The following CHN1 variants were observed in gnomAD, a reference collection of about 807,000 sequenced individuals.
The protein encoded by CHN1 is chimerin 1.
Under a neutral mutation model 59.5 loss-of-function variants are expected in CHN1, and 37 were observed. That is an observed-to-expected ratio of 0.62 (90% CI 0.48 to 0.82). The LOEUF is 0.82. Ranked by LOEUF, CHN1 falls within the 40% of genes least tolerant of loss-of-function variation. The pLI is 0.00. For missense variants in CHN1, 469 were observed against 571.0 expected, an observed-to-expected ratio of 0.82 and a Z score of 1.82; for synonymous variants, 206 against 200.4, an observed-to-expected ratio of 1.03 and a Z score of -0.24.
chr2:174,984,425 G>A (rs1198498138), intron 1 of CHN1, among the ~76,000 whole-genome samples: 1 of 143,698 alleles, frequency 7.0e-6, no homozygotes, highest in African/African-American at 2.6e-5. Flanking sequence ...CTAGAGTGCA[G>A]TGGCGCGATC....
At chr2:174,869,953 A>G (rs972532637) in intron 6 of CHN1, among the ~76,000 whole-genome samples, 1 of 152,180 alleles carries the variant, frequency 6.6e-6, no homozygotes, top group Admixed American at 6.5e-5. Context: ...TTTTGGAGGG[A>G]AATTTTACAG....
chr2:174,956,132 A>C (rs1030467901), intron 1 of CHN1, among the ~76,000 whole-genome samples: 1 of 152,252 alleles, frequency 6.6e-6, no homozygotes, highest in African/African-American at 2.4e-5. Context: ...AATAATGATA[A>C]GAATTACAAG....
At chr2:174,918,589 GCAT>G in intron 3 of CHN1, 24 bp from the exon 4 acceptor site, 1 of 1,576,326 alleles carries the variant, frequency 6.3e-7, no homozygotes, top group Non-Finnish European at 8.6e-7. Flanking sequence ...AAAAAAACAG[GCAT>G]ATTTGTAAAA....
chr2:174,837,764 A>G (rs1342159309), intron 7 of CHN1, among the ~76,000 whole-genome samples: 1 of 152,190 alleles, frequency 6.6e-6, no homozygotes, highest in African/African-American at 2.4e-5. Flanking sequence ...CAGCTACCAG[A>G]AGTTTTTGTG....
intron 1 of CHN1, among the ~76,000 whole-genome samples, chr2:174,974,537 C>T (rs1008723539): frequency 1.3e-5 from 2 of 151,928 alleles, no homozygotes; most frequent in African/African-American, 2.4e-5. Flanking sequence ...TTTCAAATTC[C>T]CATAATATAA....
Position 174,890,528 on chromosome 2 carries a change from AAAG to A in CHN1, c.261-12403_261-12401del, listed in dbSNP as rs566435505. ...GGCAATACAGCAAGACCATCTTTAA[AAAG>A]AAGAAGAAGAAGAAAAAATATATAC... On this transcript the variant is annotated intron_variant, in intron 5 of 12. Coordinates refer to ENST00000409900, the MANE Select transcript of CHN1 (RefSeq NM_001822.7). Among the ~76,000 whole-genome samples, 121 of 152,234 alleles carry A rather than the reference AAAG, an allele frequency of 7.9e-4. 1 individual carries two copies. The highest frequency in any genetic ancestry group is 1.0e-3 in the South Asian group (5 of 4,832).
chr2:174,885,995 T>G (rs1687882469), intron 5 of CHN1, among the ~76,000 whole-genome samples: 1 of 152,098 alleles, frequency 6.6e-6, no homozygotes, highest in Admixed American at 6.5e-5. Context: ...TATTCAAGAG[T>G]TGGTGATCAG....
chr2:174,885,601 C>A (rs1187271772), intron 5 of CHN1, among the ~76,000 whole-genome samples: 2 of 151,996 alleles, frequency 1.3e-5, no homozygotes. Context: ...TTCAAGTAAT[C>A]CCGAGTAGCT....
intron 2 of CHN1, among the ~76,000 whole-genome samples, chr2:174,949,327 TATTTAAC>T (rs1165498689): frequency 6.6e-6 from 1 of 152,208 alleles, no homozygotes; most frequent in Non-Finnish European, 1.5e-5. Flanking sequence ...TGCATTTATT[TATTTAAC>T]ATGAATGAAT....
chr2:174,974,496 C>T (rs1690856314), intron 1 of CHN1, among the ~76,000 whole-genome samples: 1 of 152,092 alleles, frequency 6.6e-6, no homozygotes, highest in Admixed American at 6.5e-5. Context: ...TACCAGTCTG[C>T]AAGAGAGAAT....
intron 7 of CHN1, among the ~76,000 whole-genome samples, chr2:174,843,772 G>C (rs570996430): frequency 6.6e-6 from 1 of 152,084 alleles, no homozygotes; most frequent in African/African-American, 2.4e-5. Context: ...ACATGTACTG[G>C]GAACTCAATT....
intron 3 of CHN1, among the ~76,000 whole-genome samples, chr2:174,939,583 A>T (rs1689596716): frequency 6.6e-6 from 1 of 152,218 alleles, no homozygotes; most frequent in African/African-American, 2.4e-5. Flanking sequence ...TAGTCTTACT[A>T]ATAAATACTT....
At chr2:174,921,547 A>C (rs1689016539) in intron 3 of CHN1, among the ~76,000 whole-genome samples, 1 of 152,074 alleles carries the variant, frequency 6.6e-6, no homozygotes, top group African/African-American at 2.4e-5. Context: ...ACTTTTCATT[A>C]AAATTATATG....
At chr2:174,822,969 C>A (rs1685551205) in intron 8 of CHN1, among the ~76,000 whole-genome samples, 1 of 152,172 alleles carries the variant, frequency 6.6e-6, no homozygotes, top group Non-Finnish European at 1.5e-5. Context: ...ATGCCTGGAA[C>A]CTTATTACAT....
chr2:174,932,393 G>A (rs1689375774), intron 3 of CHN1, among the ~76,000 whole-genome samples: 1 of 152,152 alleles, frequency 6.6e-6, no homozygotes, highest in Non-Finnish European at 1.5e-5. Context: ...GTCTAGCATT[G>A]AAGTTAACGT....
At chr2:174,909,801 T>C (rs576318593) in intron 5 of CHN1, among the ~76,000 whole-genome samples, 3 of 152,338 alleles carry the variant, frequency 2.0e-5, no homozygotes, top group South Asian at 4.1e-4. Flanking sequence ...CAGGTAATAC[T>C]TGTGGCTGAA....
intron 8 of CHN1, among the ~76,000 whole-genome samples, chr2:174,822,711 G>A (rs907601282): frequency 1.3e-5 from 2 of 152,166 alleles, no homozygotes; most frequent in Non-Finnish European, 2.9e-5. Flanking sequence ...AATGCACACT[G>A]CCTCAATACC....
At chr2:174,885,846 A>C (rs1290818355) in intron 5 of CHN1, among the ~76,000 whole-genome samples, 3 of 152,210 alleles carry the variant, frequency 2.0e-5, no homozygotes, top group Non-Finnish European at 4.4e-5. Context: ...AAACCACAGG[A>C]CCAATACTAA....
intron 3 of CHN1, among the ~76,000 whole-genome samples, chr2:174,933,154 T>C (rs575035384): frequency 5.9e-5 from 9 of 152,258 alleles, no homozygotes; most frequent in East Asian, 1.9e-4. Context: ...AGAGGGGATG[T>C]AGAGTAGGAA....
Sources: allele counts gnomAD v4.1 joint callset (sites outside exome capture counted in the v4.1 genomes callset), GRCh38; gene constraint gnomAD v4.1.1; transcripts MANE v1.5; gene names NCBI Gene and HGNC (gene_info 2026-07-23, HGNC 2026-07-21).